JMJD1C: variants seen among roughly 807,000 people sequenced by gnomAD.
JMJD1C encodes jumonji domain containing 1C, also known as jumonji domain-containing protein 1C.
Under a neutral mutation model 245.3 loss-of-function variants are expected in JMJD1C, and 31 were observed. The observed-to-expected ratio is 0.13, with a 90% CI of 0.09 to 0.17. The LOEUF is 0.17. Ranked by LOEUF, JMJD1C falls within the 10% of genes least tolerant of loss-of-function variation. The pLI, the probability that JMJD1C is intolerant of heterozygous loss-of-function variation, is 1.00. For synonymous variants in JMJD1C, 1,057 were observed against 1,017.4 expected, an observed-to-expected ratio of 1.04 and a Z score of -0.74; for missense variants, 2,691 against 3,000.2, an observed-to-expected ratio of 0.90 and a Z score of 2.41.
chr10:63,198,705 C>T lies in JMJD1C; in HGVS notation c.5299G>A (p.Val1767Ile). Residue 1767 changes from valine (V) to isoleucine (I), a missense_variant, in exon 12 of 26, where the codon GTA becomes ATA. Transcript: ENST00000399262. ...GAAGAGAAACCATCTATTCTAACTA[C>T]TCCGTTTTTACTAAATGACAACCTG... ...FRRLSFSKNG[V>I]VRIDGFSSPD... 6.3e-7 allele frequency: 1 copy of T among 1,599,538 alleles called. No individual in the cohort carries two copies. Among genetic ancestry groups the T allele is most frequent in the African/African-American group, 1.3e-5 (1 of 74,530 alleles).
chr10:63,177,063 A>T (rs1842927842), intron 23 of JMJD1C: 1 of 152,662 alleles, frequency 6.6e-6, no homozygotes, highest in African/African-American at 2.4e-5. Flanking sequence ...TTTACTTCAC[A>T]TTGATCACAG....
rs182156998 is a variant in JMJD1C, at chr10:63,233,419, T to C, written c.448-13436A>G. Reference sequence around the variant, plus strand: ...TTAGACTTAAAAAAAAATTTTAAACTTCATGTCTAACAACACCCAAAAAAA... The same window carrying C: ...TTAGACTTAAAAAAAAATTTTAAACCTCATGTCTAACAACACCCAAAAAAA... On this transcript the variant is annotated intron_variant, in intron 3 of 25. Coordinates refer to ENST00000399262, the MANE Select transcript of JMJD1C (RefSeq NM_032776.3). 2.6e-3 allele frequency among the ~76,000 whole-genome samples: 396 copies of C among 152,210 alleles called. 3 individuals carry two copies. The highest frequency in any genetic ancestry group is 0.01 in the Middle Eastern group (3 of 294).
chr10:63,171,491 A>T (rs1842355118), intron 24 of JMJD1C, among the ~76,000 whole-genome samples: 2 of 152,250 alleles, frequency 1.3e-5, no homozygotes, highest in Non-Finnish European at 2.9e-5. Flanking sequence ...CTGACGGGCC[A>T]AAGAACAGAA....
chr10:63,273,350 T>TCG (rs1420696638), intron 2 of JMJD1C, among the ~76,000 whole-genome samples: 1 of 152,100 alleles, frequency 6.6e-6, no homozygotes. Context: ...TGCCACCATA[T>TCG]CTGGCTAATA....
At chr10:63,426,380 A>C (rs544211679) in intron 1 of JMJD1C, among the ~76,000 whole-genome samples, 1 of 152,106 alleles carries the variant, frequency 6.6e-6, no homozygotes, top group South Asian at 2.1e-4. Context: ...TCTTAAACGT[A>C]AGAGACTGTA....
At chr10:63,368,717 C>T (rs1337189395) in intron 2 of JMJD1C, among the ~76,000 whole-genome samples, 1 of 152,160 alleles carries the variant, frequency 6.6e-6, no homozygotes, top group African/African-American at 2.4e-5. Flanking sequence ...GACAGAGTCT[C>T]GCTCAGCTGC....
chr10:63,498,405 C>T (rs1272778933), intron 1 of JMJD1C, among the ~76,000 whole-genome samples: 1 of 151,926 alleles, frequency 6.6e-6, no homozygotes. Flanking sequence ...TTTATTTTTG[C>T]CCCTAGTGAA....
chr10:63,516,185 C>T (rs1955013293), intron 1 of JMJD1C, among the ~76,000 whole-genome samples: 1 of 144,572 alleles, frequency 6.9e-6, no homozygotes. Context: ...CTGTCTTTAT[C>T]TTAGACTAAA....
At chr10:63,286,522 C>T (rs1365989285) in intron 2 of JMJD1C, among the ~76,000 whole-genome samples, 6 of 152,178 alleles carry the variant, frequency 3.9e-5, no homozygotes, top group Admixed American at 3.9e-4. Flanking sequence ...TCACTTTGCT[C>T]ACTCAACATC....
rs1306919688 is a variant in JMJD1C at position 63,427,340 on chromosome 10, G to A, written c.168+38155C>T. ...GGCCAGGGCGTGCTCCAGAGTTCCTGGGACCAAGTGTTCACCGCCTTCTGG... is the reference window on the plus strand; with the variant it reads ...GGCCAGGGCGTGCTCCAGAGTTCCTAGGACCAAGTGTTCACCGCCTTCTGG... On this transcript the variant is annotated intron_variant, in intron 1 of 25. Transcript: ENST00000399262. 9 of 1,083,114 alleles carry A rather than the reference G, an allele frequency of 8.3e-6. No homozygotes were observed. In the Admixed American group the frequency reaches 1.5e-4, roughly 18 times the overall value. 67.1% of individuals were successfully genotyped at this position (1,083,114 alleles called of 1,614,324 possible). A position where few individuals can be genotyped will look rare whatever the true frequency, so the allele number is the denominator to read the frequency against.
chr10:63,473,639 G>C (rs1589810239), intron 1 of JMJD1C, among the ~76,000 whole-genome samples: 1 of 152,126 alleles, frequency 6.6e-6, no homozygotes, highest in African/African-American at 2.4e-5. Flanking sequence ...TTTTCCTCAA[G>C]ATATGAACTT....
At chr10:63,362,713 T>A (rs1034405258) in intron 2 of JMJD1C, among the ~76,000 whole-genome samples, 2 of 152,068 alleles carry the variant, frequency 1.3e-5, no homozygotes, top group Non-Finnish European at 2.9e-5. Context: ...ACTCCTGGGC[T>A]CAAGCAATCT....
At chr10:63,393,665 A>G (rs1284580741) in intron 1 of JMJD1C, among the ~76,000 whole-genome samples, 1 of 152,194 alleles carries the variant, frequency 6.6e-6, no homozygotes, top group Non-Finnish European at 1.5e-5. Context: ...GGTGAAGAAA[A>G]TGTAGAATAT....
At chr10:63,315,289 C>T (rs1282026556) in intron 2 of JMJD1C, among the ~76,000 whole-genome samples, 2 of 152,100 alleles carry the variant, frequency 1.3e-5, no homozygotes, top group Admixed American at 6.5e-5. Flanking sequence ...ATCTAGCAGT[C>T]CCTAGTGTGT....
Position 63,213,932 on chromosome 10 carries a change from A to G in JMJD1C, c.2235T>C (p.His745=), listed in dbSNP as rs1306045008. 3 of 1,614,144 alleles carry G rather than the reference A, an allele frequency of 1.9e-6. No homozygotes were observed. Among genetic ancestry groups the G allele is most frequent in the Non-Finnish European group, 2.5e-6 (3 of 1,179,986 alleles). ...QHPFPLHSSS[H]RTCLNPGTHH... is the part of the protein sequence containing the mutation. ...GGGTACCTGGATTTAAACAGGTTCT[A>G]TGAGATGAGGAGTGAAGAGGAAAAG... Residue 745 remains histidine, a synonymous_variant, in exon 8 of 26, where the codon CAT becomes CAC. Transcript: ENST00000399262.
chr10:63,326,137 G>A (rs1313044379), intron 2 of JMJD1C, among the ~76,000 whole-genome samples: 1 of 152,166 alleles, frequency 6.6e-6, no homozygotes, highest in African/African-American at 2.4e-5. Flanking sequence ...AATGACATTT[G>A]TAATTGACGG....
intron 3 of JMJD1C, among the ~76,000 whole-genome samples, chr10:63,247,123 CAAAA>C (rs932802291): frequency 2.2e-5 from 3 of 134,514 alleles, no homozygotes; most frequent in African/African-American, 5.3e-5. Flanking sequence ...AAAACAAAAA[CAAAA>C]AAACAAAAAA....
intron 2 of JMJD1C, among the ~76,000 whole-genome samples, chr10:63,328,945 GAA>G (rs1941831157): frequency 6.6e-6 from 1 of 152,132 alleles, no homozygotes; most frequent in African/African-American, 2.4e-5. Context: ...TGGAACTTGT[GAA>G]AACACTGTAT....
In JMJD1C at chr10:63,213,643, G is replaced by T. The variant is rs368936974; in HGVS notation, c.2524C>A (p.Pro842Thr). The T allele has an allele frequency of 1.1e-5, 17 of 1,614,200 alleles. No homozygotes were observed. The highest frequency in any genetic ancestry group is 1.4e-5 in the Non-Finnish European group (17 of 1,180,024). ...GGATGGGCTTGTCCAAGAAGATGAG[G>T]TGACTGGTGCTGTAACAACTGTTGT... Reference protein sequence around the residue: ...QQQQLLQHQSPHLLGQAHPSA... With the variant: ...QQQQLLQHQSTHLLGQAHPSA... Residue 842 changes from proline to threonine, a missense_variant, in exon 8 of 26, where the codon CCT (proline) becomes ACT (threonine). Pro to Thr is a conservative substitution (Grantham distance 38). This residue lies in a region of JMJD1C where 1,562 missense variants were observed against 1,490.7 expected (regional missense o/e 1.05). Coordinates refer to ENST00000399262, the MANE Select transcript of JMJD1C (RefSeq NM_032776.3).
Sources: allele counts gnomAD v4.1 joint callset (sites outside exome capture counted in the v4.1 genomes callset), GRCh38; gene constraint gnomAD v4.1.1; regional missense constraint gnomAD v4.1.1; transcripts MANE v1.5; gene names NCBI Gene and HGNC (gene_info 2026-07-23, HGNC 2026-07-21).